ITFG1: variants seen among roughly 807,000 people sequenced by gnomAD.
ITFG1 encodes the protein integrin alpha FG-GAP repeat containing 1.
Under a neutral mutation model 81.8 loss-of-function variants are expected in ITFG1, and 34 were observed. The observed-to-expected ratio is 0.42, with a 90% CI of 0.32 to 0.55. The LOEUF (loss-of-function observed/expected upper bound fraction) is 0.55, where lower values mean the gene tolerates loss of function less well. Ranked by LOEUF, ITFG1 falls within the 20% of genes least tolerant of loss-of-function variation. The probability of loss-of-function intolerance (pLI) is 0.17; values close to 1 mark genes in which losing one functional copy is unlikely to be tolerated. For synonymous variants in ITFG1, 285 were observed against 270.6 expected (o/e 1.05, Z -0.52); for missense variants, 672 against 755.4 (o/e 0.89, Z 1.29).
At chr16:47,441,568 A>C (rs1359384946) in intron 5 of ITFG1, among the ~76,000 whole-genome samples, 3 of 152,232 alleles carry the variant, frequency 2.0e-5, no homozygotes, top group African/African-American at 7.2e-5. Flanking sequence ...AACAGAACCA[A>C]AGACAAAAAC....
intron 14 of ITFG1, among the ~76,000 whole-genome samples, chr16:47,201,817 A>G (rs1567422010): frequency 6.6e-6 from 1 of 152,202 alleles, no homozygotes; most frequent in African/African-American, 2.4e-5. Context: ...CTTTAGCAAA[A>G]GGGCTGACCT....
chr16:47,174,815 C>T (rs555819845), intron 14 of ITFG1, among the ~76,000 whole-genome samples: 38 of 152,302 alleles, frequency 2.5e-4, no homozygotes, highest in Admixed American at 3.9e-4. Context: ...CCACCGCGCC[C>T]GGCCTCTCTG....
chr16:47,335,303 G>C (rs1393689321), intron 8 of ITFG1, among the ~76,000 whole-genome samples: 1 of 152,126 alleles, frequency 6.6e-6, no homozygotes, highest in Admixed American at 6.6e-5. Flanking sequence ...GTTGCTGTGA[G>C]CCCAGATCAT....
At chr16:47,226,529 C>T (rs1293101549) in intron 13 of ITFG1, among the ~76,000 whole-genome samples, 1 of 122,280 alleles carries the variant, frequency 8.2e-6, no homozygotes, top group Admixed American at 9.3e-5. Context: ...CCCCTCCCCC[C>T]ACCCCACAAC....
At chr16:47,366,772 T>G (rs1968182967) in intron 7 of ITFG1, among the ~76,000 whole-genome samples, 1 of 151,988 alleles carries the variant, frequency 6.6e-6, no homozygotes, top group African/African-American at 2.4e-5. Flanking sequence ...TTAAAATGAG[T>G]TTTTCCTTCT....
At chr16:47,183,460 G>C (rs958518783) in intron 14 of ITFG1, among the ~76,000 whole-genome samples, 2 of 152,194 alleles carry the variant, frequency 1.3e-5, no homozygotes, top group Non-Finnish European at 2.9e-5. Flanking sequence ...CTCCTCAAGT[G>C]GGTCCCTGAC....
chr16:47,188,048 C>G (rs909055974), intron 14 of ITFG1, among the ~76,000 whole-genome samples: 4 of 151,942 alleles, frequency 2.6e-5, no homozygotes, highest in East Asian at 1.9e-4. Context: ...AAATGCAAAT[C>G]AAAACCACAG....
chr16:47,311,448 T>C, intron 9 of ITFG1, 36 bp from the exon 10 acceptor site: 1 of 1,464,042 alleles, frequency 6.8e-7, no homozygotes, highest in East Asian at 2.4e-5. Context: ...ACTTTATAGT[T>C]ATTTTATAAA....
At chr16:47,351,949 GA>G (rs1197003319) in intron 8 of ITFG1, among the ~76,000 whole-genome samples, 4 of 151,926 alleles carry the variant, frequency 2.6e-5, no homozygotes, top group African/African-American at 9.7e-5. Context: ...TGACAAAAAA[GA>G]AATGGGGAAA....
At chr16:47,253,708 C>T (rs1217813596) in intron 12 of ITFG1, among the ~76,000 whole-genome samples, 4 of 152,150 alleles carry the variant, frequency 2.6e-5, no homozygotes, top group Non-Finnish European at 4.4e-5. Context: ...TCACAATAGG[C>T]GTCGTGCTCC....
At chr16:47,161,951 A>G in intron 15 of ITFG1, 119 bp from the exon 16 acceptor site, 1 of 676,712 alleles carries the variant, frequency 1.5e-6, no homozygotes, top group South Asian at 2.0e-5. Context: ...GGTATGGATT[A>G]AGCTATGTTT....
intron 14 of ITFG1, chr16:47,202,399 T>G (rs1965436327): frequency 2.6e-5 from 4 of 152,232 alleles, no homozygotes; most frequent in Admixed American, 2.6e-4. Context: ...ATTAGAAAAC[T>G]AAATATTAGA....
chr16:47,442,935 A>C (rs1969272857), intron 5 of ITFG1, among the ~76,000 whole-genome samples: 1 of 152,230 alleles, frequency 6.6e-6, no homozygotes, highest in South Asian at 2.1e-4. Context: ...TCTGCACAGC[A>C]AAAGAAACCA....
intron 7 of ITFG1, among the ~76,000 whole-genome samples, chr16:47,368,530 T>C (rs1421801594): frequency 9.2e-6 from 1 of 109,174 alleles, no homozygotes; most frequent in Non-Finnish European, 1.7e-5. Context: ...TACTCCAGCC[T>C]GGGTGACAGA....
At chr16:47,310,361 G>A (rs1967238304) in intron 10 of ITFG1, among the ~76,000 whole-genome samples, 1 of 152,104 alleles carries the variant, frequency 6.6e-6, no homozygotes, top group Non-Finnish European at 1.5e-5. Context: ...AGTAATTCTA[G>A]CGTCAACAAA....
At chr16:47,180,462 C>T (rs1161479032) in intron 14 of ITFG1, among the ~76,000 whole-genome samples, 1 of 151,000 alleles carries the variant, frequency 6.6e-6, no homozygotes, top group Non-Finnish European at 1.5e-5. Flanking sequence ...GCTGCCATCT[C>T]GGCTCACTGC....
intron 6 of ITFG1, among the ~76,000 whole-genome samples, chr16:47,387,333 T>C (rs774036723): frequency 1.2e-4 from 18 of 152,214 alleles, no homozygotes; most frequent in Non-Finnish European, 2.1e-4. Flanking sequence ...TAACAAGCTT[T>C]GGGGAGTGGA....
intron 12 of ITFG1, among the ~76,000 whole-genome samples, chr16:47,257,499 A>G (rs1488107502): frequency 6.6e-6 from 1 of 152,186 alleles, no homozygotes. Flanking sequence ...ACTGGTTACA[A>G]TGAAAAAATA....
intron 5 of ITFG1, among the ~76,000 whole-genome samples, chr16:47,439,044 G>C (rs1048048769): frequency 5.3e-4 from 80 of 152,166 alleles, no homozygotes; most frequent in African/African-American, 1.9e-3. Context: ...GAATGCACAA[G>C]CCTCAGTAAC....
Sources: gnomAD v4.1 joint callset for allele counts (sites outside exome capture counted in the v4.1 genomes callset) on GRCh38, gnomAD v4.1.1 for gene constraint, MANE v1.5 for transcripts, NCBI Gene and HGNC (gene_info 2026-07-23, HGNC 2026-07-21) for gene names.